CD200: variants seen among roughly 807,000 people sequenced by gnomAD.
CD200 encodes the protein OX-2 membrane glycoprotein.
A neutral mutation model predicts 30.9 loss-of-function variants in CD200; 15 were observed. The ratio of observed to expected loss-of-function variants is 0.49; its 90% CI spans 0.32 to 0.75. The LOEUF is 0.75. CD200 is among the 30% of genes least tolerant of loss of function. The pLI, the probability that CD200 is intolerant of heterozygous loss-of-function variation, is 0.03. For missense variants in CD200, 262 were observed against 324.2 expected (o/e 0.81, Z 1.47); for synonymous variants, 134 against 126.2 (o/e 1.06, Z -0.41).
At chr3:112,357,268 A>AG (rs1343684348) in intron 5 of CD200, among the ~76,000 whole-genome samples, 2 of 148,720 alleles carry the variant, frequency 1.3e-5, no homozygotes, top group African/African-American at 5.0e-5. Context: ...CAAAAAAAAA[A>AG]AAAAAAGAAA....
At chr3:112,334,399 T>C (rs1317243) in intron 1 of CD200, 100,124 of 234,114 alleles carry the variant, frequency 0.43, 21,892 homozygotes, top group Middle Eastern at 0.49. Flanking sequence ...TATGATTTGA[T>C]CGATTAATTT....
At chr3:112,338,075 C>T (rs1333457150) in intron 1 of CD200, among the ~76,000 whole-genome samples, 1 of 152,138 alleles carries the variant, frequency 6.6e-6, no homozygotes, top group Non-Finnish European at 1.5e-5. Flanking sequence ...ACAGAACCAA[C>T]AGATACGGTG....
chr3:112,353,915 A>G (rs999358690), intron 5 of CD200, among the ~76,000 whole-genome samples: 1 of 152,198 alleles, frequency 6.6e-6, no homozygotes, highest in Non-Finnish European at 1.5e-5. Context: ...GATGCTTTAC[A>G]TGAGAAAAGC....
chr3:112,349,870 T>A, intron 5 of CD200, 51 bp downstream of exon 5: 1 of 1,544,240 alleles, frequency 6.5e-7, no homozygotes, highest in Non-Finnish European at 8.7e-7. Context: ...ATTTGATTTT[T>A]AATGACAATT....
At chr3:112,334,235 G>A in intron 1 of CD200, 2 of 985,164 alleles carry the variant, frequency 2.0e-6, no homozygotes, top group Non-Finnish European at 2.4e-6. Context: ...TGTGGATTTG[G>A]ACATAGAAAC....
chr3:112,351,520 C>T (rs1288599828), intron 5 of CD200, among the ~76,000 whole-genome samples: 1 of 152,082 alleles, frequency 6.6e-6, no homozygotes, highest in Non-Finnish European at 1.5e-5. Flanking sequence ...TGCCAATATC[C>T]GATTCTTGAA....
intron 3 of CD200, among the ~76,000 whole-genome samples, chr3:112,346,083 G>A (rs778404730): frequency 6.6e-6 from 1 of 151,814 alleles, no homozygotes; most frequent in Admixed American, 6.6e-5. Context: ...GGAAGAAAAG[G>A]CTTAGTAGAT....
At chr3:112,352,825 G>C (rs545332667) in intron 5 of CD200, among the ~76,000 whole-genome samples, 1 of 152,112 alleles carries the variant, frequency 6.6e-6, no homozygotes, top group East Asian at 1.9e-4. Context: ...TTATTTTTAC[G>C]TAGAAGTTAG....
intron 4 of CD200, 116 bp downstream of exon 4, chr3:112,347,946 G>A: frequency 3.3e-6 from 3 of 911,306 alleles, no homozygotes; most frequent in Non-Finnish European, 4.9e-6. Context: ...GAGAAAGAAT[G>A]GGGCAAATAA....
At chr3:112,343,902 C>T (rs1576600055) in intron 2 of CD200, among the ~76,000 whole-genome samples, 2 of 152,158 alleles carry the variant, frequency 1.3e-5, no homozygotes, top group South Asian at 4.1e-4. Context: ...GATTTTGGAA[C>T]ATTTAAGTCT....
chr3:112,337,891 C>G (rs1210118188), intron 1 of CD200, among the ~76,000 whole-genome samples: 1 of 151,980 alleles, frequency 6.6e-6, no homozygotes, highest in Non-Finnish European at 1.5e-5. Context: ...CATATCCTCC[C>G]ATATATATAA....
In CD200 at chr3:112,362,346, C is replaced by A. The variant is rs534938446; in HGVS notation, c.*796C>A. 6.6e-6 allele frequency: 1 copy of A among 152,236 alleles called. No homozygotes were observed. The highest frequency in any genetic ancestry group is 6.5e-5 in the Admixed American group (1 of 15,284). 9.4% of individuals were successfully genotyped at this position (152,236 alleles called of 1,614,324 possible). ...TAGCTCACATTTTTTGAGAAGCATG[C>A]CCTCCCTGTCCATTTGTCTTATAAC... is the stretch of plus-strand genomic sequence containing the variant. On this transcript the variant is annotated 3_prime_UTR_variant, in exon 6 of 6. Transcript: ENST00000315711.
chr3:112,345,156 A>T lies in CD200; in HGVS notation c.289A>T (p.Thr97Ser). The change falls in exon 3 of 6, where the codon ACC (threonine) becomes TCC (serine). Residue 97 changes from threonine to serine, a missense_variant. By Grantham distance (58) the Thr-to-Ser change is moderately conservative. Transcript: ENST00000315711. Reference protein sequence around the residue: ...QPAYKDKINITQLGLQNSTIT... With the variant: ...QPAYKDKINISQLGLQNSTIT... ...TGCCTATAAGGACAAGATAAACATT[A>T]CCCAGCTGGGACTCCAAAACTCAAC... The T allele has an allele frequency of 1.9e-6, 3 of 1,614,092 alleles. No homozygotes were observed. The highest frequency in any genetic ancestry group is 2.5e-6 in the Non-Finnish European group (3 of 1,179,956).
intron 5 of CD200, among the ~76,000 whole-genome samples, chr3:112,357,641 G>C (rs993418883): frequency 2.0e-5 from 3 of 152,214 alleles, no homozygotes; most frequent in African/African-American, 7.2e-5. Flanking sequence ...GGACAGCTTT[G>C]AGGAAGATTT....
intron 5 of CD200, among the ~76,000 whole-genome samples, chr3:112,358,648 G>A (rs1169214018): frequency 1.3e-5 from 2 of 152,262 alleles, no homozygotes; most frequent in African/African-American, 2.4e-5. Context: ...AAACTAAACT[G>A]CCGCATGTCA....
rs549329706 is a variant in CD200, at chr3:112,339,869, T to C, written c.13-1033T>C. ...GCCATTTTAGCCAATGCTAGCATAATAGATGGTTGTAATCAATGATTAGCA... is the reference window on the plus strand; with the variant it reads ...GCCATTTTAGCCAATGCTAGCATAACAGATGGTTGTAATCAATGATTAGCA... On this transcript the variant is annotated intron_variant, in intron 1 of 5. Transcript: ENST00000315711. Among the ~76,000 whole-genome samples, 4 of 152,306 alleles carry C rather than the reference T, an allele frequency of 2.6e-5. No individual in the cohort carries two copies. The East Asian group carries it at 7.7e-4, about 29-fold the overall frequency.
chr3:112,349,908 G>A, intron 5 of CD200, 89 bp downstream of exon 5: 1 of 1,412,386 alleles, frequency 7.1e-7, no homozygotes, highest in Non-Finnish European at 9.3e-7. Flanking sequence ...TATAAATAAG[G>A]GAATGGCAAC....
chr3:112,358,409 A>G lies in CD200; in HGVS notation c.803-3134A>G, dbSNP rs77080859. Among the ~76,000 whole-genome samples, 1,515 of 152,366 alleles carry G rather than the reference A, an allele frequency of 9.9e-3. 15 individuals carry two copies. The highest frequency in any genetic ancestry group is 0.025 in the South Asian group (122 of 4,824). ...GACAGAATCAGAAAATGTGCATTCT[A>G]AAAACGTGCGTATACTGAAATGAAC... On this transcript the variant is annotated intron_variant, in intron 5 of 5. Transcript: ENST00000315711.
intron 2 of CD200, among the ~76,000 whole-genome samples, chr3:112,342,399 T>TC (rs1298496459): frequency 1.5e-5 from 1 of 67,982 alleles, no homozygotes; most frequent in Non-Finnish European, 3.0e-5. Context: ...CTTTCTTTCT[T>TC]TCTTTCTTTC....
Sources: allele counts gnomAD v4.1 joint callset (sites outside exome capture counted in the v4.1 genomes callset), GRCh38; gene constraint gnomAD v4.1.1; transcripts MANE v1.5; gene names NCBI Gene and HGNC (gene_info 2026-07-23, HGNC 2026-07-21).